PXN: variants seen among roughly 807,000 people sequenced by gnomAD.
PXN encodes the protein paxillin, also known as testicular tissue protein Li 134.
A neutral mutation model predicts 103.6 loss-of-function variants in PXN; 61 were observed. The ratio of observed to expected loss-of-function variants is 0.59; its 90% CI spans 0.48 to 0.73. PXN has a LOEUF of 0.73. PXN is among the 30% of genes least tolerant of loss of function. The pLI, the probability that PXN is intolerant of heterozygous loss-of-function variation, is 0.00. For missense variants in PXN, 1,274 were observed against 1,460.3 expected, an observed-to-expected ratio of 0.87 and a Z score of 2.08; for synonymous variants, 562 against 607.8, an observed-to-expected ratio of 0.92 and a Z score of 1.11.
chr12:120,257,129 T>G (rs1288475460), intron 1 of PXN, among the ~76,000 whole-genome samples: 1 of 152,082 alleles, frequency 6.6e-6, no homozygotes, highest in African/African-American at 2.4e-5. Context: ...TCCCTGGAGC[T>G]CCCTGGAGGG....
Position 120,214,132 on chromosome 12 carries a change from G to C in PXN, c.2830+4C>G, listed in dbSNP as rs369457359. 6.4e-7 allele frequency: 1 copy of C among 1,553,018 alleles called. No individual in the cohort carries two copies. Among genetic ancestry groups the C allele is most frequent in the Non-Finnish European group, 8.7e-7 (1 of 1,148,004 alleles). Reference sequence around the variant, plus strand: ...GTGGGTCAGTCCGCCGGTCCAGCCCGTACCTTCGGGACCAAAGAAGGCTCC... The same window carrying C: ...GTGGGTCAGTCCGCCGGTCCAGCCCCTACCTTCGGGACCAAAGAAGGCTCC... On this transcript the variant is annotated splice_donor_region_variant and intron_variant, in intron 13 of 14. Coordinates refer to ENST00000637617, the MANE Select transcript of PXN (RefSeq NM_001385981.1). This position sits in a 1 kb window ranked among gnomAD's most constrained non-coding sequence, Gnocchi z 5.0.
At chr12:120,237,395 T>C (rs1889297029) in intron 1 of PXN, among the ~76,000 whole-genome samples, 2 of 152,074 alleles carry the variant, frequency 1.3e-5, no homozygotes, top group Admixed American at 6.5e-5. Flanking sequence ...CTGCTGGCCA[T>C]TGCTTTTATT....
At chr12:120,226,131 C>A (rs1332763169) in intron 1 of PXN, 2 of 1,176,966 alleles carry the variant, frequency 1.7e-6, no homozygotes, top group Non-Finnish European at 2.1e-6. Flanking sequence ...GGCCAATCCC[C>A]ACGGCCTCTC....
intron 1 of PXN, among the ~76,000 whole-genome samples, chr12:120,244,398 G>A (rs552286755): frequency 5.2e-4 from 79 of 152,036 alleles, no homozygotes; most frequent in African/African-American, 1.8e-3. Context: ...TGTAATCCCA[G>A]CACTTTGGGA....
intron 1 of PXN, among the ~76,000 whole-genome samples, chr12:120,260,864 G>A (rs1282798724): frequency 4.6e-5 from 7 of 152,164 alleles, no homozygotes; most frequent in Non-Finnish European, 8.8e-5. Context: ...CTACTCGGGA[G>A]GCTGAGGGAA....
At chr12:120,263,875 A>G (rs1341747965) in intron 1 of PXN, among the ~76,000 whole-genome samples, 2 of 152,208 alleles carry the variant, frequency 1.3e-5, no homozygotes, top group African/African-American at 4.8e-5. Context: ...TCCTTGAAAC[A>G]GCACGGGGAC....
At chr12:120,226,121 G>A in intron 1 of PXN, 2 of 1,170,750 alleles carry the variant, frequency 1.7e-6, no homozygotes, top group Non-Finnish European at 2.1e-6. Flanking sequence ...CCAGTGTCCA[G>A]GCCAATCCCC....
chr12:120,215,209 T>C lies in PXN; in HGVS notation c.2468A>G (p.Gln823Arg). The change falls in exon 11 of 15, where the codon CAG (glutamine) becomes CGG (arginine). Residue 823 changes from glutamine (Q) to arginine (R), a missense_variant. Transcript: ENST00000637617. This position sits in a 1 kb window ranked among gnomAD's most constrained non-coding sequence, Gnocchi z 4.9. ...PPGGPPKPGS[Q>R]LDSMLGSLQS... ...CAGGCTCCCCAGCATGCTGTCCAGC[T>C]GGCTCCCGGGCTTCGGGGGCCCCCC... 6.3e-7 allele frequency: 1 copy of C among 1,599,600 alleles called. No homozygotes were observed. Among genetic ancestry groups the C allele is most frequent in the African/African-American group, 1.3e-5 (1 of 74,714 alleles).
rs201113710 is a variant in PXN at position 120,212,497 on chromosome 12, G to A, written c.3063C>T (p.Arg1021=). The change falls in exon 15 of 15, where the codon CGC becomes CGT. Residue 1021 remains arginine, a synonymous_variant. Coordinates refer to ENST00000637617, the MANE Select transcript of PXN (RefSeq NM_001385981.1). The surrounding 1 kb of genome is among the most constrained non-coding windows in gnomAD (Gnocchi z 7.2). ...PYCEVHYHER[R]GSLCSGCQKP... Reference sequence around the variant, plus strand: ...TCTGGCAGCCAGAACACAGCGAGCCGCGCCGCTCGTGGTAGTGCACCTCAC... The same window carrying A: ...TCTGGCAGCCAGAACACAGCGAGCCACGCCGCTCGTGGTAGTGCACCTCAC... 9.5e-5 allele frequency: 154 copies of A among 1,613,796 alleles called. No homozygotes were observed. Among genetic ancestry groups the A allele is most frequent in the East Asian group, 6.7e-5 (3 of 44,876 alleles).
At chr12:120,252,141 T>G (rs1892293851) in intron 1 of PXN, among the ~76,000 whole-genome samples, 1 of 152,122 alleles carries the variant, frequency 6.6e-6, no homozygotes, top group Admixed American at 6.6e-5. Flanking sequence ...ACTCAGGTTC[T>G]CCAGAGGAGG....
chr12:120,244,529 T>C (rs1890714665), intron 1 of PXN, among the ~76,000 whole-genome samples: 1 of 151,714 alleles, frequency 6.6e-6, no homozygotes, highest in African/African-American at 2.4e-5. Context: ...GCGCCTGTAG[T>C]CCCAGCTACT....
At position 120,212,798 on chromosome 12, in the gene PXN, T is replaced by A. The variant is rs866497460; in HGVS notation, c.2980-218A>T. The A allele has an allele frequency of 1.3e-4, 62 of 469,506 alleles. No homozygotes were observed. In the Middle Eastern group the frequency reaches 2.2e-3, roughly 17 times the overall value. The allele number at this position is 469,506 out of a possible 1,614,324, so 29.1% of individuals were successfully genotyped here. A position where few individuals can be genotyped will look rare whatever the true frequency, so the allele number is the denominator to read the frequency against. ...GGGGGTCTCACTATATTGCCCATGC[T>A]GGTCAAATGTGGCCTCCTGCAATCC... On this transcript the variant is annotated intron_variant, in intron 14 of 14. Transcript: ENST00000637617. This position sits in a 1 kb window ranked among gnomAD's most constrained non-coding sequence, Gnocchi z 7.2.
intron 3 of PXN, among the ~76,000 whole-genome samples, 195 bp downstream of exon 3, chr12:120,223,523 G>C (rs1308778967): frequency 1.3e-5 from 2 of 152,210 alleles, no homozygotes; most frequent in Non-Finnish European, 2.9e-5. Context: ...TGATAGCCCA[G>C]AATGTCCACT....
chr12:120,246,320 A>C (rs746077708), intron 1 of PXN, among the ~76,000 whole-genome samples: 13 of 151,866 alleles, frequency 8.6e-5, no homozygotes, highest in Non-Finnish European at 1.8e-4. Context: ...TGAGGTCAGG[A>C]GTTCGAGTCC....
chr12:120,234,281 T>C (rs1021590065), intron 1 of PXN, among the ~76,000 whole-genome samples: 2 of 152,030 alleles, frequency 1.3e-5, no homozygotes, highest in Admixed American at 6.6e-5. Flanking sequence ...TGGTGGTGCA[T>C]GCCTGTAATC....
chr12:120,215,962 G>A lies in PXN; in HGVS notation c.2302-301C>T, dbSNP rs746676637. 4 of 1,385,080 alleles carry A rather than the reference G, an allele frequency of 2.9e-6. No homozygotes were observed. Among genetic ancestry groups the A allele is most frequent in the Non-Finnish European group, 3.7e-6 (4 of 1,070,666 alleles). The allele number at this position is 1,385,080 out of a possible 1,614,324, so 85.8% of individuals were successfully genotyped here. A position where few individuals can be genotyped will look rare whatever the true frequency, so the allele number is the denominator to read the frequency against. On this transcript the variant is annotated intron_variant, in intron 9 of 14. Transcript: ENST00000637617. The surrounding 1 kb of genome is among the most constrained non-coding windows in gnomAD (Gnocchi z 4.9). Reference sequence around the variant, plus strand: ...TGGGCCTGGGGGCTGGAAGGGAGGAGACAGGTTTCTGGTCTCCCTTCTGGA... The same window carrying A: ...TGGGCCTGGGGGCTGGAAGGGAGGAAACAGGTTTCTGGTCTCCCTTCTGGA...
Position 120,223,850 on chromosome 12 carries a change from G to A in PXN, c.241-17C>T. 6.5e-7 allele frequency: 1 copy of A among 1,544,142 alleles called. No individual in the cohort carries two copies. The highest frequency in any genetic ancestry group is 8.9e-7 in the Non-Finnish European group (1 of 1,129,118). On this transcript the variant is annotated splice_polypyrimidine_tract_variant and intron_variant, in intron 2 of 14. Transcript: ENST00000637617. ...GGACTGAGGCTGCGAGAAGGAGAAT[G>A]CTCAGAGGCTACCCCGAGGGGAGAA... is the stretch of plus-strand genomic sequence containing the variant.
At position 120,224,598 on chromosome 12, in the gene PXN, G is replaced by C. The variant is rs774165015; in HGVS notation, c.14-221C>G. 6 of 694,930 alleles carry C rather than the reference G, an allele frequency of 8.6e-6. No homozygotes were observed. The South Asian group carries it at 9.0e-5, about 10-fold the overall frequency. The allele number at this position is 694,930 out of a possible 1,614,324, so 43.0% of individuals were successfully genotyped here. ...TTCTTCTGGCCACCCAGGACTGAAA[G>C]TGCTCTAGAGGCGGGCTCTGGGGCT... On this transcript the variant is annotated intron_variant, in intron 1 of 14. Transcript: ENST00000637617. This position sits in a 1 kb window ranked among gnomAD's most constrained non-coding sequence, Gnocchi z 5.0.
intron 1 of PXN, among the ~76,000 whole-genome samples, chr12:120,262,821 T>A (rs983041264): frequency 3.9e-5 from 6 of 151,944 alleles, no homozygotes; most frequent in Non-Finnish European, 8.8e-5. Context: ...CAAACCAGCA[T>A]CTAAACAGTA....
Sources: gnomAD v4.1 joint callset for allele counts (sites outside exome capture counted in the v4.1 genomes callset) on GRCh38, gnomAD v4.1.1 for gene constraint, Gnocchi (gnomAD v3.1) non-coding constraint, MANE v1.5 for transcripts, NCBI Gene and HGNC (gene_info 2026-07-23, HGNC 2026-07-21) for gene names.